CCDC180: variants seen among roughly 807,000 people sequenced by gnomAD.
CCDC180 encodes coiled-coil domain-containing protein 180.
CCDC180 carries 154 observed loss-of-function variants against 209.2 expected under a neutral mutation model. The observed-to-expected ratio is 0.74, with a 90% CI of 0.65 to 0.84. The LOEUF (loss-of-function observed/expected upper bound fraction) is 0.84, where lower values mean the gene tolerates loss of function less well. CCDC180 is among the 40% of genes least tolerant of loss of function. The pLI is 0.00. For synonymous variants in CCDC180, 778 were observed against 749.1 expected (o/e 1.04, Z -0.63); for missense variants, 1,874 against 1,997.3 (o/e 0.94, Z 1.18).
intron 34 of CCDC180, chr9:97,372,438 G>C (rs1215320204): frequency 6.6e-6 from 1 of 152,212 alleles, no homozygotes; most frequent in Non-Finnish European, 1.5e-5. Context: ...GTTTGGCCTA[G>C]CACGTCTAAT....
Position 97,314,534 on chromosome 9 carries a change from T to G in CCDC180, c.588+13T>G, listed in dbSNP as rs1405970362. The G allele has an allele frequency of 6.2e-7, 1 of 1,613,890 alleles. No individual in the cohort carries two copies. The highest frequency in any genetic ancestry group is 8.5e-7 in the Non-Finnish European group (1 of 1,179,926). ...CTACACCATCCAAGTAGGGGTCCCT[T>G]CGTGGCTGGGCCTGCCCCACCCAGG... On this transcript the variant is annotated intron_variant, in intron 6 of 36. Coordinates refer to ENST00000529487, the MANE Select transcript of CCDC180 (RefSeq NM_020893.6).
chr9:97,314,342 C>G (rs1833085345), intron 5 of CCDC180, 51 bp from the exon 6 acceptor site: 2 of 1,608,864 alleles, frequency 1.2e-6, no homozygotes, highest in African/African-American at 1.3e-5. Context: ...AAGGCTCCCT[C>G]CTTCCCAGGG....
chr9:97,311,013 G>T (rs1195901235), intron 3 of CCDC180, among the ~76,000 whole-genome samples: 3 of 152,156 alleles, frequency 2.0e-5, no homozygotes, highest in African/African-American at 7.2e-5. Context: ...ACACATGAGT[G>T]GCAGAGCCAG....
Position 97,320,147 on chromosome 9 carries a change from C to T in CCDC180, c.1101C>T (p.Tyr367=), listed in dbSNP as rs554407438. The T allele has an allele frequency of 2.2e-5, 35 of 1,614,158 alleles. No homozygotes were observed. In the South Asian group the frequency reaches 3.4e-4, roughly 16 times the overall value. Residue 367 remains tyrosine (Y), a synonymous_variant, in exon 11 of 37, where the codon TAC becomes TAT. Coordinates refer to ENST00000529487, the MANE Select transcript of CCDC180 (RefSeq NM_020893.6). The stretch of plus-strand genomic sequence containing the variant: ...CCAGTGACCTCCTGCCCCCCAGTTA[C>T]AGCAAAACTCAGCTGACTGAGTGGC... The part of the protein sequence containing the change: ...CTICDLLPPS[Y]SKTQLTEWHS...
At chr9:97,320,079 A>G in intron 10 of CCDC180, 47 bp from the exon 11 acceptor site, 2 of 1,483,998 alleles carry the variant, frequency 1.3e-6, no homozygotes, top group Non-Finnish European at 1.9e-6. Context: ...TTTGGTGAGT[A>G]AACGGTTTGT....
At chr9:97,368,358 G>T (rs1220003502) in intron 31 of CCDC180, among the ~76,000 whole-genome samples, 1 of 152,140 alleles carries the variant, frequency 6.6e-6, no homozygotes. Flanking sequence ...GGCCTCCAGG[G>T]TATTGGGAAC....
chr9:97,349,172 G>A lies in CCDC180; in HGVS notation c.2736G>A (p.Leu912=), dbSNP rs1230692897. ...ACTGTGCTGGGGTGACCGAGACGCT[G>A]AAGAAGAAGCGGCTGATGTTCTGCC... ...DSHCAGVTET[L]KKKRLMFCQF... is the part of the protein sequence containing the mutation. The change falls in exon 21 of 37, where the codon CTG becomes CTA. Residue 912 remains leucine (L), a synonymous_variant. Coordinates refer to ENST00000529487, the MANE Select transcript of CCDC180 (RefSeq NM_020893.6). 14 of 1,536,258 alleles carry A rather than the reference G, an allele frequency of 9.1e-6. No homozygotes were observed. The highest frequency in any genetic ancestry group is 1.2e-5 in the Non-Finnish European group (14 of 1,146,970).
At chr9:97,364,264 G>C in intron 29 of CCDC180, 136 bp downstream of exon 29, 1 of 716,964 alleles carries the variant, frequency 1.4e-6, no homozygotes, top group Non-Finnish European at 2.4e-6. Context: ...AGAGGAGATA[G>C]CAAGGTCAAG....
Position 97,366,346 on chromosome 9 carries a change from G to A in CCDC180, c.4048-213G>A, listed in dbSNP as rs966704243. On this transcript the variant is annotated intron_variant, in intron 30 of 36. Coordinates refer to ENST00000529487, the MANE Select transcript of CCDC180 (RefSeq NM_020893.6). This position sits in a 1 kb window ranked among gnomAD's most constrained non-coding sequence, Gnocchi z 4.3. The stretch of plus-strand genomic sequence containing the variant: ...GCCAGTCACTCATTCAGGAAATAAC[G>A]AGGGCTGGCCATGGCTCCACTCACT... Among the ~76,000 whole-genome samples the A allele has an allele frequency of 1.3e-4, 20 of 152,172 alleles. No homozygotes were observed. The highest frequency in any genetic ancestry group is 3.6e-4 in the African/African-American group (15 of 41,442).
intron 8 of CCDC180, among the ~76,000 whole-genome samples, chr9:97,316,004 C>T (rs562502085): frequency 2.0e-4 from 30 of 152,294 alleles, no homozygotes; most frequent in Non-Finnish European, 3.5e-4. Flanking sequence ...CATCGTAAGT[C>T]GGGGACTGCC....
chr9:97,357,684 A>G lies in CCDC180; in HGVS notation c.3322A>G (p.Asn1108Asp). Residue 1108 changes from asparagine to aspartate, a missense_variant, in exon 25 of 37, where the codon AAC (asparagine) becomes GAC (aspartate). Transcript: ENST00000529487. Reference sequence around the variant, plus strand: ...AAATTTCTCTCTGCAACAGCTTCAGAACAAGATAAAAACTTGTCAAGAGTC... The same window carrying G: ...AAATTTCTCTCTGCAACAGCTTCAGGACAAGATAAAAACTTGTCAAGAGTC... ...GLNFSLQQLQ[N>D]KIKTCQESRG... 1 of 1,613,690 alleles carries G rather than the reference A, an allele frequency of 6.2e-7. No individual in the cohort carries two copies. The highest frequency in any genetic ancestry group is 8.5e-7 in the Non-Finnish European group (1 of 1,179,922).
intron 29 of CCDC180, among the ~76,000 whole-genome samples, chr9:97,364,997 G>A (rs940479057): frequency 6.6e-6 from 1 of 152,178 alleles, no homozygotes; most frequent in Non-Finnish European, 1.5e-5. Context: ...ATGTTGATGA[G>A]TTTATTTGAA....
chr9:97,313,309 G>T lies in CCDC180; in HGVS notation c.423G>T (p.Leu141=), dbSNP rs985465140. 9.9e-6 allele frequency: 16 copies of T among 1,612,348 alleles called. No homozygotes were observed. The highest frequency in any genetic ancestry group is 1.4e-5 in the Non-Finnish European group (16 of 1,178,944). The part of the protein sequence containing the change: ...EHKRKSYESA[L]ASFQEEIAQV... Reference sequence around the variant, plus strand: ...AGAGGAAGAGCTACGAGAGCGCTCTGGCCAGCTTTCAGGAGGAGATTGCGC... The same window carrying T: ...AGAGGAAGAGCTACGAGAGCGCTCTTGCCAGCTTTCAGGAGGAGATTGCGC... The change falls in exon 5 of 37, where the codon CTG becomes CTT. Residue 141 remains leucine (L), a synonymous_variant. Transcript: ENST00000529487.
intron 21 of CCDC180, 78 bp from the exon 22 acceptor site, chr9:97,350,331 C>T: frequency 7.1e-7 from 1 of 1,405,644 alleles, no homozygotes; most frequent in Non-Finnish European, 9.6e-7. Context: ...TCAGGCTGAT[C>T]ACCATCACCA....
At chr9:97,318,392 T>A in intron 9 of CCDC180, 71 bp from the exon 10 acceptor site, 1 of 1,571,690 alleles carries the variant, frequency 6.4e-7, no homozygotes, top group Non-Finnish European at 8.7e-7. Context: ...TCACCATGGT[T>A]CTCTTTCCCT....
chr9:97,308,159 T>TCTCCATCCCCCTTCC (rs1271382767), intron 2 of CCDC180, 27 bp downstream of exon 2: 9 of 1,539,550 alleles, frequency 5.8e-6, no homozygotes, highest in African/African-American at 4.1e-5. Flanking sequence ...GTCCCGCTTT[T>TCTCCATCCCCCTTCC]CTCCATCCCC....
At chr9:97,324,014 T>C in intron 13 of CCDC180, 111 bp downstream of exon 13, 1 of 1,300,344 alleles carries the variant, frequency 7.7e-7, no homozygotes, top group Non-Finnish European at 1.0e-6. Context: ...TCCTAGTGTG[T>C]CCGCTCACCC....
At chr9:97,363,684 T>C (rs778622171) in intron 28 of CCDC180, 14 of 499,108 alleles carry the variant, frequency 2.8e-5, no homozygotes, top group Non-Finnish European at 5.4e-5. Flanking sequence ...TAAATGGGCG[T>C]GCTGTATTGT....
chr9:97,362,278 CG>C lies in CCDC180; in HGVS notation c.3743del (p.Gly1248AlafsTer87). ...TAGAGGCGCATGGGCCTGTGGGTCT[CG>C]GGGCAGCAGTGAGGCAGGGGCTGGT... ...TGRGAWACGS[R>X]GSSEAGAGGA... On this transcript the variant is annotated frameshift_variant, in exon 28 of 37. Coordinates refer to ENST00000529487, the MANE Select transcript of CCDC180 (RefSeq NM_020893.6). LOFTEE classifies it high-confidence loss of function. 1.2e-6 allele frequency: 2 copies of C among 1,614,186 alleles called. No homozygotes were observed. Among genetic ancestry groups the C allele is most frequent in the Non-Finnish European group, 1.7e-6 (2 of 1,180,032 alleles).
Sources: allele counts gnomAD v4.1 joint callset (sites outside exome capture counted in the v4.1 genomes callset), GRCh38; gene constraint gnomAD v4.1.1; non-coding constraint Gnocchi (gnomAD v3.1); transcripts MANE v1.5; gene names NCBI Gene and HGNC (gene_info 2026-07-23, HGNC 2026-07-21).